CDH2: variants seen among roughly 807,000 people sequenced by gnomAD.
The protein encoded by CDH2 is cadherin-2.
A neutral mutation model predicts 92.0 loss-of-function variants in CDH2; 17 were observed. That is an observed-to-expected ratio of 0.18 (90% CI 0.13 to 0.28). The LOEUF is 0.28. Among genes scored for constraint, CDH2 ranks in the 10% least tolerant of loss-of-function variants. The pLI, the probability that CDH2 is intolerant of heterozygous loss-of-function variation, is 1.00. For missense variants in CDH2, 862 were observed against 1,133.1 expected, an observed-to-expected ratio of 0.76 and a Z score of 3.44; for synonymous variants, 419 against 415.9, an observed-to-expected ratio of 1.01 and a Z score of -0.09.
At chr18:27,945,186 G>C (rs1909239505) in intron 6 of CDH2, among the ~76,000 whole-genome samples, 1 of 151,784 alleles carries the variant, frequency 6.6e-6, no homozygotes, top group East Asian at 1.9e-4. Context: ...CCTTACAGAA[G>C]TACTGACGAT....
intron 2 of CDH2, among the ~76,000 whole-genome samples, chr18:28,061,767 G>A (rs922524016): frequency 2.0e-5 from 3 of 152,168 alleles, no homozygotes; most frequent in African/African-American, 7.2e-5. Flanking sequence ...CATGGCAGAA[G>A]GCGAAGGAAT....
intron 2 of CDH2, among the ~76,000 whole-genome samples, chr18:28,113,164 T>G (rs2015440051): frequency 6.6e-6 from 1 of 152,158 alleles, no homozygotes; most frequent in Non-Finnish European, 1.5e-5. Flanking sequence ...GCTGCAAGTG[T>G]AATTTGAAAG....
At chr18:28,118,551 G>A (rs887615704) in intron 2 of CDH2, among the ~76,000 whole-genome samples, 4 of 151,838 alleles carry the variant, frequency 2.6e-5, no homozygotes, top group African/African-American at 7.3e-5. Flanking sequence ...GTTTTATAAT[G>A]CATTTACAGT....
intron 2 of CDH2, chr18:28,036,398 A>C: frequency 1.3e-6 from 1 of 796,644 alleles, no homozygotes; most frequent in African/African-American, 1.7e-5. Context: ...AAGTCTTCTC[A>C]TTTTATGTTA....
rs565934597 is a variant in CDH2 at position 28,139,016 on chromosome 18, T to C, written c.172+8657A>G. Among the ~76,000 whole-genome samples, 8 of 152,044 alleles carry C rather than the reference T, an allele frequency of 5.3e-5. No individual in the cohort carries two copies. In the South Asian group the frequency reaches 1.4e-3, roughly 28 times the overall value. ...AGCAATGAAAATGCTGTTTACATCA[T>C]TGAACACCACAAGGCTTTCATTTTT... is the stretch of plus-strand genomic sequence containing the variant. On this transcript the variant is annotated intron_variant, in intron 2 of 15. Coordinates refer to ENST00000269141, the MANE Select transcript of CDH2 (RefSeq NM_001792.5).
chr18:27,948,450 T>A (rs1322970768), downstream of CDH2, among the ~76,000 whole-genome samples: 2 of 151,912 alleles, frequency 1.3e-5, no homozygotes, highest in Non-Finnish European at 2.9e-5. Context: ...AATCATCTTA[T>A]AATTTAAAGG....
At chr18:28,146,435 C>T (rs987585472) in intron 2 of CDH2, 1 of 152,000 alleles carries the variant, frequency 6.6e-6, no homozygotes, top group African/African-American at 2.4e-5. Flanking sequence ...AATTAAACCT[C>T]CATTACCCAC....
intron 14 of CDH2, among the ~76,000 whole-genome samples, chr18:27,976,140 C>G (rs1391786407): frequency 1.3e-5 from 2 of 152,100 alleles, no homozygotes; most frequent in Non-Finnish European, 2.9e-5. Flanking sequence ...CACTTTGGGC[C>G]ATAGGTTCCA....
At chr18:28,117,508 C>A (rs879923444) in intron 2 of CDH2, among the ~76,000 whole-genome samples, 4 of 152,024 alleles carry the variant, frequency 2.6e-5, no homozygotes, top group Non-Finnish European at 5.9e-5. Flanking sequence ...CCATGCTGTA[C>A]CACAGACACC....
intron 2 of CDH2, among the ~76,000 whole-genome samples, chr18:28,145,361 C>G (rs987978656): frequency 6.6e-6 from 1 of 152,062 alleles, no homozygotes; most frequent in Non-Finnish European, 1.5e-5. Context: ...TGTACAATTA[C>G]TGCTTTCCTT....
chr18:28,130,925 T>C (rs1173953322), intron 2 of CDH2, among the ~76,000 whole-genome samples: 1 of 152,130 alleles, frequency 6.6e-6, no homozygotes, highest in Non-Finnish European at 1.5e-5. Flanking sequence ...TAATTAAAAA[T>C]TTAGAATCAG....
At chr18:28,093,833 T>C (rs2015078948) in intron 2 of CDH2, among the ~76,000 whole-genome samples, 2 of 152,200 alleles carry the variant, frequency 1.3e-5, no homozygotes, top group Non-Finnish European at 2.9e-5. Context: ...AATTTCACTT[T>C]TACTTTTTAA....
intron 2 of CDH2, among the ~76,000 whole-genome samples, chr18:28,116,842 T>G (rs2015503650): frequency 1.3e-5 from 2 of 152,124 alleles, no homozygotes; most frequent in Admixed American, 1.3e-4. Flanking sequence ...TGGCATACTC[T>G]AAAGGAATAG....
At chr18:28,146,102 G>A (rs1017113491) in intron 2 of CDH2, 5 of 152,006 alleles carry the variant, frequency 3.3e-5, no homozygotes, top group Non-Finnish European at 7.4e-5. Flanking sequence ...TATTCAACGC[G>A]CCAAAGTAAT....
intron 2 of CDH2, among the ~76,000 whole-genome samples, chr18:28,039,165 C>T (rs971264663): frequency 6.6e-6 from 1 of 152,144 alleles, no homozygotes; most frequent in Non-Finnish European, 1.5e-5. Flanking sequence ...TCATTTCTCT[C>T]CTTTCCACAG....
intron 2 of CDH2, among the ~76,000 whole-genome samples, chr18:28,077,273 T>C (rs1464029837): frequency 1.3e-5 from 2 of 152,156 alleles, no homozygotes; most frequent in African/African-American, 4.8e-5. Flanking sequence ...TAAGCAGAAA[T>C]CATAATCTTT....
intron 1 of CDH2, among the ~76,000 whole-genome samples, chr18:28,151,259 T>G (rs1301166579): frequency 6.6e-6 from 1 of 152,252 alleles, no homozygotes; most frequent in African/African-American, 2.4e-5. Flanking sequence ...GGGACAATTT[T>G]GCTCCCCAGG....
chr18:28,072,779 G>A (rs1023861512), intron 2 of CDH2, among the ~76,000 whole-genome samples: 3 of 152,162 alleles, frequency 2.0e-5, no homozygotes, highest in African/African-American at 7.2e-5. Context: ...TATACACAAA[G>A]CAATAATTTC....
chr18:28,148,253 TTATAA>T (rs761467282), intron 1 of CDH2, among the ~76,000 whole-genome samples: 8 of 152,310 alleles, frequency 5.3e-5, no homozygotes, highest in South Asian at 2.1e-4. Context: ...AAAAATAAAA[TTATAA>T]TATACTTACA....
Sources: allele counts gnomAD v4.1 joint callset (sites outside exome capture counted in the v4.1 genomes callset), GRCh38; gene constraint gnomAD v4.1.1; transcripts MANE v1.5; gene names NCBI Gene and HGNC (gene_info 2026-07-23, HGNC 2026-07-21).